ATP5PB: variants seen among roughly 807,000 people sequenced by gnomAD.
The protein encoded by ATP5PB is ATP synthase peripheral stalk subunit b, mitochondrial.
ATP5PB carries 21 observed loss-of-function variants against 34.5 expected under a neutral mutation model. The observed-to-expected ratio is 0.61, with a 90% confidence interval of 0.43 to 0.88. ATP5PB has a LOEUF of 0.88. ATP5PB is among the 40% of genes least tolerant of loss of function. The pLI is 0.00. For missense variants in ATP5PB, 293 were observed against 317.4 expected (o/e 0.92, Z 0.58); for synonymous variants, 108 against 114.1 (o/e 0.95, Z 0.34).
In ATP5PB at chr1:111,458,455, G is replaced by C. The variant is rs543159159; in HGVS notation, c.514-1002G>C. On this transcript the variant is annotated intron_variant, in intron 5 of 6. Coordinates refer to ENST00000369722, the MANE Select transcript of ATP5PB (RefSeq NM_001688.5). ...AGTGCAAAGTATGTGGATTTTTGGG[G>C]AAATAAGTTCCAGGCTGAGGGAAGA... Among the ~76,000 whole-genome samples, 11 of 152,324 alleles carry C rather than the reference G, an allele frequency of 7.2e-5. No homozygotes were observed. The East Asian group carries it at 2.1e-3, about 29-fold the overall frequency.
chr1:111,450,182 A>C (rs982827036), intron 2 of ATP5PB, among the ~76,000 whole-genome samples: 4 of 152,238 alleles, frequency 2.6e-5, no homozygotes, highest in Non-Finnish European at 2.9e-5. Context: ...TAGCTTCCAC[A>C]GCCTGAATCC....
At position 111,452,059 on chromosome 1, in the gene ATP5PB, C is replaced by T. The variant is rs187421092; in HGVS notation, c.78-2152C>T. 1.5e-4 allele frequency among the ~76,000 whole-genome samples: 23 copies of T among 151,030 alleles called. No individual in the cohort carries two copies. In the East Asian group the frequency reaches 4.1e-3, roughly 27 times the overall value. ...GCTTGAGCCCAGGAGGTGGAGGCTGCGAGTGAGCAGTGATGGCACCACTGC... is the reference window on the plus strand; with the variant it reads ...GCTTGAGCCCAGGAGGTGGAGGCTGTGAGTGAGCAGTGATGGCACCACTGC... On this transcript the variant is annotated intron_variant, in intron 2 of 6. Coordinates refer to ENST00000369722, the MANE Select transcript of ATP5PB (RefSeq NM_001688.5).
chr1:111,460,732 A>G (rs1205246546), intron 6 of ATP5PB, among the ~76,000 whole-genome samples, 185 bp from the exon 7 acceptor site: 1 of 152,202 alleles, frequency 6.6e-6, no homozygotes, highest in Non-Finnish European at 1.5e-5. Flanking sequence ...CTTAAAATAA[A>G]TTATATCTCC....
rs951011052 is a variant in ATP5PB, at chr1:111,462,599, G to A, written c.*1605G>A. The A allele has an allele frequency of 1.3e-4, 20 of 152,156 alleles. No homozygotes were observed. The highest frequency in any genetic ancestry group is 2.1e-4 in the Non-Finnish European group (14 of 67,996). 9.4% of individuals were successfully genotyped at this position (152,156 alleles called of 1,614,324 possible). On this transcript the variant is annotated 3_prime_UTR_variant, in exon 7 of 7. Transcript: ENST00000369722. ...GAAATATTTGAAAATATTTATCATG[G>A]GTAATTGCTATTTTCATTGACTTCC...
rs200467988 is a variant in ATP5PB at position 111,459,529 on chromosome 1, C to A, written c.586C>A (p.Arg196Ser). Reference sequence around the variant, plus strand: ...TAGAGTATATAAGGAAGTAAAGAATCGCCTGGACTATCATATATCTGTGCA... The same window carrying A: ...TAGAGTATATAAGGAAGTAAAGAATAGCCTGGACTATCATATATCTGTGCA... ...LYRVYKEVKN[R>S]LDYHISVQNM... is the part of the protein sequence containing the mutation. The change falls in exon 6 of 7, where the codon CGC becomes AGC. Residue 196 changes from arginine to serine, a missense_variant. By Grantham distance (110) the Arg-to-Ser change is moderately radical. Transcript: ENST00000369722. The A allele has an allele frequency of 6.2e-7, 1 of 1,613,716 alleles. No homozygotes were observed. The highest frequency in any genetic ancestry group is 1.1e-5 in the South Asian group (1 of 91,070).
intron 3 of ATP5PB, 38 bp from the exon 4 acceptor site, chr1:111,456,048 A>G: frequency 1.3e-6 from 2 of 1,496,028 alleles, no homozygotes; most frequent in Non-Finnish European, 1.8e-6. Flanking sequence ...TTTTAGGCAT[A>G]GCATATCCCT....
intron 2 of ATP5PB, among the ~76,000 whole-genome samples, chr1:111,451,731 T>C (rs1653342414): frequency 6.6e-6 from 1 of 152,116 alleles, no homozygotes; most frequent in African/African-American, 2.4e-5. Flanking sequence ...AGGAGCAGCA[T>C]AAGGCAATTT....
chr1:111,457,778 A>G (rs901599857), intron 5 of ATP5PB, among the ~76,000 whole-genome samples: 2 of 152,164 alleles, frequency 1.3e-5, no homozygotes, highest in African/African-American at 2.4e-5. Context: ...TTTAAACAAG[A>G]TCCCTAAAGA....
Position 111,456,135 on chromosome 1 carries a change from AAT to A in ATP5PB, c.278_279del (p.Tyr93CysfsTer3). On this transcript the variant is annotated frameshift_variant, in exon 4 of 7. Transcript: ENST00000369722. LOFTEE classifies it high-confidence loss of function. ...GLILYALSKE[I>X]YVISAETFTA... is the part of the protein sequence containing the mutation. ...TTATCTTGTACGCTTTATCCAAAGA[AAT>A]ATATGTGATTAGCGCAGAGACCTTC... is the stretch of plus-strand genomic sequence containing the variant. The A allele has an allele frequency of 6.2e-7, 1 of 1,611,966 alleles. No homozygotes were observed. The highest frequency in any genetic ancestry group is 8.5e-7 in the Non-Finnish European group (1 of 1,179,122).
chr1:111,456,399 T>C, intron 4 of ATP5PB, 150 bp downstream of exon 4: 1 of 1,101,924 alleles, frequency 9.1e-7, no homozygotes, highest in Non-Finnish European at 1.2e-6. Context: ...TAATTTGAGA[T>C]AATTTTTTTA....
rs534050460 is a variant in ATP5PB, at chr1:111,462,542, A to G, written c.*1548A>G. The G allele has an allele frequency of 6.6e-6, 1 of 152,326 alleles. No individual in the cohort carries two copies. The highest frequency in any genetic ancestry group is 1.9e-4 in the East Asian group (1 of 5,190). 9.4% of individuals were successfully genotyped at this position (152,326 alleles called of 1,614,324 possible). A position where few individuals can be genotyped will look rare whatever the true frequency, so the allele number is the denominator to read the frequency against. On this transcript the variant is annotated 3_prime_UTR_variant, in exon 7 of 7. Transcript: ENST00000369722. ...TTCTCCCATACTTGTACAAGGATTT[A>G]TTTGTATTCAAATGGACAAATTACG...
At chr1:111,455,031 A>T (rs1030964348) in intron 3 of ATP5PB, among the ~76,000 whole-genome samples, 1 of 152,214 alleles carries the variant, frequency 6.6e-6, no homozygotes, top group Non-Finnish European at 1.5e-5. Context: ...GGTACGAATA[A>T]AAATGAAGCC....
chr1:111,453,960 G>A (rs1653400292), intron 2 of ATP5PB, among the ~76,000 whole-genome samples: 2 of 152,236 alleles, frequency 1.3e-5, no homozygotes, highest in South Asian at 4.1e-4. Context: ...GTGCTAGACA[G>A]ATGATCTGCA....
intron 5 of ATP5PB, 72 bp downstream of exon 5, chr1:111,456,827 T>C: frequency 6.7e-7 from 1 of 1,482,404 alleles, no homozygotes; most frequent in African/African-American, 1.4e-5. Context: ...GAATTTTTTA[T>C]GAAGAATGGT....
At chr1:111,450,339 C>T (rs1653285165) in intron 2 of ATP5PB, among the ~76,000 whole-genome samples, 1 of 152,106 alleles carries the variant, frequency 6.6e-6, no homozygotes, top group Non-Finnish European at 1.5e-5. Context: ...ATTTATGTTG[C>T]CTAAAAACAT....
At chr1:111,450,477 C>G (rs1653290404) in intron 2 of ATP5PB, among the ~76,000 whole-genome samples, 2 of 152,136 alleles carry the variant, frequency 1.3e-5, no homozygotes, top group South Asian at 4.1e-4. Context: ...GGTCCCTGGC[C>G]CCTCCACTTA....
chr1:111,459,341 A>G (rs749265690), intron 5 of ATP5PB, 116 bp from the exon 6 acceptor site: 41 of 1,000,776 alleles, frequency 4.1e-5, no homozygotes, highest in Non-Finnish European at 5.3e-5. Flanking sequence ...CTATTAAATA[A>G]AAGAATTTCA....
chr1:111,451,755 CTTTG>C (rs1001674403), intron 2 of ATP5PB, among the ~76,000 whole-genome samples: 4 of 151,878 alleles, frequency 2.6e-5, no homozygotes, highest in African/African-American at 7.3e-5. Context: ...TGTGGTGTTT[CTTTG>C]TTTGTTTTTG....
At chr1:111,452,311 T>C (rs1653355273) in intron 2 of ATP5PB, among the ~76,000 whole-genome samples, 1 of 152,136 alleles carries the variant, frequency 6.6e-6, no homozygotes, top group Non-Finnish European at 1.5e-5. Context: ...CTCACGCCTG[T>C]AATTTCAGCA....
Sources: allele counts gnomAD v4.1 joint callset (sites outside exome capture counted in the v4.1 genomes callset), GRCh38; gene constraint gnomAD v4.1.1; transcripts MANE v1.5; gene names NCBI Gene and HGNC (gene_info 2026-07-23, HGNC 2026-07-21).